Variants in LHFPL2 observed in about 807,000 individuals in gnomAD.
The protein encoded by LHFPL2 is LHFPL tetraspan subfamily member 2.
Under a neutral mutation model 17.5 loss-of-function variants are expected in LHFPL2, and 7 were observed. The observed-to-expected ratio is 0.40, with a 90% CI of 0.23 to 0.75. The LOEUF (loss-of-function observed/expected upper bound fraction) is 0.75. Among genes scored for constraint, LHFPL2 ranks in the 30% least tolerant of loss-of-function variants. The probability of loss-of-function intolerance (pLI) is 0.37; values close to 1 mark genes in which losing one functional copy is unlikely to be tolerated. For missense variants in LHFPL2, 241 were observed against 294.8 expected (o/e 0.82, Z 1.34); for synonymous variants, 134 against 116.2 (o/e 1.15, Z -0.99).
At chr5:78,497,264 C>T (rs1754635294) in intron 4 of LHFPL2, among the ~76,000 whole-genome samples, 1 of 146,140 alleles carries the variant, frequency 6.8e-6, no homozygotes, top group Non-Finnish European at 1.5e-5. Context: ...ACATGGCTAA[C>T]TCCTCTATCT....
At chr5:78,618,566 G>A (rs1744705574) in intron 2 of LHFPL2, among the ~76,000 whole-genome samples, 1 of 152,244 alleles carries the variant, frequency 6.6e-6, no homozygotes, top group African/African-American at 2.4e-5. Context: ...CCTTAGGGGA[G>A]TTGGACTTAC....
At chr5:78,601,682 A>C (rs1211307123) in intron 2 of LHFPL2, among the ~76,000 whole-genome samples, 1 of 152,178 alleles carries the variant, frequency 6.6e-6, no homozygotes, top group Non-Finnish European at 1.5e-5. Flanking sequence ...CACAGGATAA[A>C]ATCCTCTACC....
intron 4 of LHFPL2, among the ~76,000 whole-genome samples, chr5:78,497,886 C>G (rs527500736): frequency 6.6e-6 from 1 of 152,210 alleles, no homozygotes; most frequent in Non-Finnish European, 1.5e-5. Context: ...AATACACTTT[C>G]AGGTATCTAG....
chr5:78,519,013 G>A (rs1210644891), intron 3 of LHFPL2, among the ~76,000 whole-genome samples: 3 of 151,332 alleles, frequency 2.0e-5, no homozygotes, highest in African/African-American at 7.3e-5. Flanking sequence ...GTGCTCACCT[G>A]TATGGGCTGC....
At chr5:78,593,202 G>A (rs958248239) in intron 2 of LHFPL2, among the ~76,000 whole-genome samples, 7 of 152,050 alleles carry the variant, frequency 4.6e-5, no homozygotes, top group African/African-American at 1.4e-4. Context: ...TGCTTTTCCC[G>A]GGGAGCAGAC....
chr5:78,647,137 T>C (rs73769043), intron 1 of LHFPL2, among the ~76,000 whole-genome samples: 5,521 of 152,326 alleles, frequency 0.036, 339 homozygotes, highest in African/African-American at 0.13. Flanking sequence ...ATCAATAAGC[T>C]TATCACAGTA....
chr5:78,580,210 T>C (rs1212826222), intron 2 of LHFPL2, among the ~76,000 whole-genome samples: 1 of 152,226 alleles, frequency 6.6e-6, no homozygotes, highest in East Asian at 1.9e-4. Context: ...GTTTTTTTCT[T>C]GTAAATTTGA....
At chr5:78,598,704 C>A (rs554169681) in intron 2 of LHFPL2, among the ~76,000 whole-genome samples, 39 of 152,106 alleles carry the variant, frequency 2.6e-4, no homozygotes, top group Non-Finnish European at 4.1e-4. Flanking sequence ...TTAATTCACT[C>A]CAACAAAATA....
rs375446079 is a variant in LHFPL2 at position 78,581,614 on chromosome 5, C to G, written c.-244-16743G>C. Among the ~76,000 whole-genome samples, 157 of 152,238 alleles carry G rather than the reference C, an allele frequency of 1.0e-3. 1 individual carries two copies. Among genetic ancestry groups the G allele is most frequent in the African/African-American group, 3.2e-3 (134 of 41,538 alleles). ...CATTTATTGATTTGCGTATATTGAA[C>G]CAGCCTTGCATCCCAGGGATGAAGC... On this transcript the variant is annotated intron_variant, in intron 2 of 4. Coordinates refer to ENST00000380345, the MANE Select transcript of LHFPL2 (RefSeq NM_005779.3).
intron 4 of LHFPL2, 71 bp downstream of exon 4, chr5:78,509,713 G>A: frequency 6.8e-7 from 1 of 1,480,210 alleles, no homozygotes; most frequent in Non-Finnish European, 9.3e-7. Flanking sequence ...CGAATGCCCA[G>A]TACCAGAGTG....
intron 2 of LHFPL2, among the ~76,000 whole-genome samples, chr5:78,609,287 C>A (rs1236462391): frequency 6.6e-6 from 1 of 151,558 alleles, no homozygotes; most frequent in Non-Finnish European, 1.5e-5. Context: ...CCTGTCCCTA[C>A]TAAAAATACA....
intron 4 of LHFPL2, among the ~76,000 whole-genome samples, chr5:78,502,567 A>T (rs1754806082): frequency 6.6e-6 from 1 of 152,232 alleles, no homozygotes; most frequent in Non-Finnish European, 1.5e-5. Context: ...TCCATAAGTT[A>T]TTCATCAGAC....
chr5:78,605,272 ATTC>A (rs1744173665), intron 2 of LHFPL2, among the ~76,000 whole-genome samples: 1 of 152,224 alleles, frequency 6.6e-6, no homozygotes, highest in Non-Finnish European at 1.5e-5. Context: ...AAAATCAGAC[ATTC>A]TATAGGACAC....
chr5:78,579,266 G>A (rs1037341991), intron 2 of LHFPL2, among the ~76,000 whole-genome samples: 3 of 152,050 alleles, frequency 2.0e-5, no homozygotes, highest in African/African-American at 7.2e-5. Context: ...GGGTGGAGGA[G>A]GAGGAGGATT....
intron 2 of LHFPL2, among the ~76,000 whole-genome samples, chr5:78,572,499 T>TATATATATATACACACAC (rs1491231357): frequency 4.8e-5 from 2 of 41,682 alleles, no homozygotes; most frequent in African/African-American, 2.9e-4. Context: ...TATATGTGTG[T>TATATATATATACACACAC]ATATATATAT....
chr5:78,523,111 G>GGTGTGT (rs57180798), intron 3 of LHFPL2, among the ~76,000 whole-genome samples: 22 of 149,626 alleles, frequency 1.5e-4, no homozygotes, highest in Non-Finnish European at 1.8e-4. Flanking sequence ...GTGTGTCTGT[G>GGTGTGT]GTGTGTGTGT....
intron 4 of LHFPL2, among the ~76,000 whole-genome samples, chr5:78,506,024 A>G (rs1248668260): frequency 1.3e-5 from 2 of 152,256 alleles, no homozygotes; most frequent in Non-Finnish European, 2.9e-5. Context: ...CACAGTATTT[A>G]GAAAGTATCA....
rs576788962 is a variant in LHFPL2 at position 78,519,854 on chromosome 5, T to C, written c.-185-9456A>G. On this transcript the variant is annotated intron_variant, in intron 3 of 4. Coordinates refer to ENST00000380345, the MANE Select transcript of LHFPL2 (RefSeq NM_005779.3). ...AGATCTTCCGGTTCTGGAGCCCATC[T>C]GGCATGTAGGTAATTAGCCTTTCCT... Among the ~76,000 whole-genome samples the C allele has an allele frequency of 5.1e-4, 78 of 152,364 alleles. 1 individual carries two copies. The South Asian group carries it at 0.016, about 32-fold the overall frequency.
At chr5:78,536,205 G>A (rs1425606944) in intron 3 of LHFPL2, among the ~76,000 whole-genome samples, 1 of 152,202 alleles carries the variant, frequency 6.6e-6, no homozygotes, top group Non-Finnish European at 1.5e-5. Context: ...TTTCGGGGCT[G>A]GGGAGGGGAG....
Sources: allele counts gnomAD v4.1 joint callset (sites outside exome capture counted in the v4.1 genomes callset), GRCh38; gene constraint gnomAD v4.1.1; transcripts MANE v1.5; gene names NCBI Gene and HGNC (gene_info 2026-07-23, HGNC 2026-07-21).